The following BMP6 variants were observed in gnomAD, a reference collection of about 807,000 sequenced individuals.
BMP6 encodes the protein VG-1-R.
BMP6 carries 17 observed loss-of-function variants against 54.1 expected under a neutral mutation model. The ratio of observed to expected loss-of-function variants is 0.31; its 90% CI spans 0.22 to 0.47. The LOEUF (loss-of-function observed/expected upper bound fraction) is 0.47, where lower values mean the gene tolerates loss of function less well. BMP6 is among the 20% of genes least tolerant of loss of function. BMP6 has a pLI of 1.00. For missense variants in BMP6, 720 were observed against 690.4 expected, an observed-to-expected ratio of 1.04 and a Z score of -0.48; for synonymous variants, 328 against 291.2, an observed-to-expected ratio of 1.13 and a Z score of -1.28.
intron 1 of BMP6, among the ~76,000 whole-genome samples, chr6:7,820,006 T>A (rs1016295601): frequency 2.0e-4 from 30 of 152,198 alleles, no homozygotes; most frequent in African/African-American, 7.0e-4. Context: ...GTGAAATACT[T>A]TTAAACTTTT....
intron 1 of BMP6, among the ~76,000 whole-genome samples, chr6:7,821,941 CG>C (rs1318541958): frequency 6.6e-6 from 1 of 151,948 alleles, no homozygotes; most frequent in African/African-American, 2.4e-5. Flanking sequence ...ATAGGGCTTA[CG>C]GTTATGAATT....
intron 2 of BMP6, among the ~76,000 whole-genome samples, chr6:7,854,348 A>T (rs1234866288): frequency 6.6e-6 from 1 of 152,204 alleles, no homozygotes; most frequent in Non-Finnish European, 1.5e-5. Context: ...AAAAATAAAA[A>T]ACTTTTTTAA....
At chr6:7,825,463 G>C (rs1758679974) in intron 1 of BMP6, among the ~76,000 whole-genome samples, 1 of 152,154 alleles carries the variant, frequency 6.6e-6, no homozygotes, top group Non-Finnish European at 1.5e-5. Context: ...GATCACACCT[G>C]TCATCCCAGC....
At chr6:7,878,781 G>A (rs778429835) in intron 4 of BMP6, among the ~76,000 whole-genome samples, 20 of 152,242 alleles carry the variant, frequency 1.3e-4, no homozygotes, top group Non-Finnish European at 2.4e-4. Context: ...GTCGGCCCAC[G>A]CCTCCATAGG....
intron 1 of BMP6, among the ~76,000 whole-genome samples, chr6:7,755,567 C>T (rs536070381): frequency 2.0e-5 from 3 of 152,128 alleles, no homozygotes; most frequent in Non-Finnish European, 2.9e-5. Flanking sequence ...CAGTCAATCA[C>T]GTTTTAAATA....
At chr6:7,749,739 T>G (rs17685208) in intron 1 of BMP6, among the ~76,000 whole-genome samples, 19,346 of 152,234 alleles carry the variant, frequency 0.13, 1,463 homozygotes, top group East Asian at 0.3. Context: ...CCTGGTTGAT[T>G]CATTGTGAAG....
At chr6:7,762,071 G>A (rs1192333915) in intron 1 of BMP6, among the ~76,000 whole-genome samples, 4 of 152,052 alleles carry the variant, frequency 2.6e-5, no homozygotes, top group South Asian at 2.1e-4. Context: ...ACAGGCGCCC[G>A]CCACCATGTC....
chr6:7,823,296 C>T lies in BMP6; in HGVS notation c.665-21844C>T, dbSNP rs140980621. Among the ~76,000 whole-genome samples, 138 of 152,266 alleles carry T rather than the reference C, an allele frequency of 9.1e-4. 1 individual carries two copies. The highest frequency in any genetic ancestry group is 3.2e-3 in the African/African-American group (131 of 41,556). ...ACTGATACTTCTTGAAATGCTTGCA[C>T]GTATATTACTTCATTTTAGCATTGG... is the stretch of plus-strand genomic sequence containing the variant. On this transcript the variant is annotated intron_variant, in intron 1 of 6. Transcript: ENST00000283147.
At chr6:7,802,004 C>T (rs1416028195) in intron 1 of BMP6, among the ~76,000 whole-genome samples, 1 of 152,148 alleles carries the variant, frequency 6.6e-6, no homozygotes, top group East Asian at 1.9e-4. Flanking sequence ...GGAGTGCCCC[C>T]AGCCAGACAG....
At chr6:7,781,285 G>T (rs1174846581) in intron 1 of BMP6, among the ~76,000 whole-genome samples, 1 of 152,156 alleles carries the variant, frequency 6.6e-6, no homozygotes, top group Non-Finnish European at 1.5e-5. Flanking sequence ...ATTGAGTGAT[G>T]TGCTAAAGTT....
intron 5 of BMP6, 55 bp from the exon 6 acceptor site, chr6:7,879,936 A>C: frequency 1.3e-6 from 2 of 1,535,130 alleles, no homozygotes. Context: ...GAAAAGCACA[A>C]ATAGTGTGAG....
At chr6:7,867,318 C>A (rs1321817894) in intron 4 of BMP6, among the ~76,000 whole-genome samples, 1 of 152,216 alleles carries the variant, frequency 6.6e-6, no homozygotes, top group Non-Finnish European at 1.5e-5. Context: ...GTCCTTTAAG[C>A]TTCCCGGTTG....
At chr6:7,877,098 ATAGT>A (rs1759633292) in intron 4 of BMP6, among the ~76,000 whole-genome samples, 1 of 151,464 alleles carries the variant, frequency 6.6e-6, no homozygotes, top group Non-Finnish European at 1.5e-5. Context: ...TCTTATGGTG[ATAGT>A]TGGTTGATTG....
chr6:7,861,098 TAAA>T (rs906760484), intron 2 of BMP6, among the ~76,000 whole-genome samples: 2 of 150,072 alleles, frequency 1.3e-5, no homozygotes, highest in African/African-American at 4.9e-5. Flanking sequence ...AAAAAAAAAA[TAAA>T]AAAGTTTTTT....
At chr6:7,772,073 A>C (rs1464803227) in intron 1 of BMP6, among the ~76,000 whole-genome samples, 4 of 147,564 alleles carry the variant, frequency 2.7e-5, no homozygotes, top group African/African-American at 1.0e-4. Flanking sequence ...CCAAAAAAAC[A>C]AAAAAAAACA....
chr6:7,754,567 G>A (rs188097060), intron 1 of BMP6, among the ~76,000 whole-genome samples: 172 of 152,214 alleles, frequency 1.1e-3, no homozygotes, highest in African/African-American at 3.9e-3. Flanking sequence ...TCCACATTTA[G>A]GACTGTTATG....
At chr6:7,821,397 C>T (rs1424189399) in intron 1 of BMP6, among the ~76,000 whole-genome samples, 2 of 152,182 alleles carry the variant, frequency 1.3e-5, no homozygotes, top group African/African-American at 4.8e-5. Flanking sequence ...CAGAATTACT[C>T]AACTGAGCTG....
chr6:7,729,947 C>G (rs997468428), intron 1 of BMP6, among the ~76,000 whole-genome samples: 5 of 152,174 alleles, frequency 3.3e-5, no homozygotes, highest in African/African-American at 1.2e-4. Context: ...CTCAAGCAAT[C>G]CCCCTGCCTC....
intron 1 of BMP6, among the ~76,000 whole-genome samples, chr6:7,830,245 C>G (rs1177256439): frequency 6.6e-6 from 1 of 152,140 alleles, no homozygotes; most frequent in Admixed American, 6.5e-5. Flanking sequence ...TTTCTTTTGA[C>G]TCTCATCAGT....
Sources: gnomAD v4.1 joint callset for allele counts (sites outside exome capture counted in the v4.1 genomes callset) on GRCh38, gnomAD v4.1.1 for gene constraint, MANE v1.5 for transcripts, NCBI Gene and HGNC (gene_info 2026-07-23, HGNC 2026-07-21) for gene names.